PDE1C: variants seen among roughly 807,000 people sequenced by gnomAD.
PDE1C encodes the protein dual specificity calcium/calmodulin-dependent 3',5'-cyclic nucleotide phosphodiesterase 1C.
Under a neutral mutation model 93.1 loss-of-function variants are expected in PDE1C, and 62 were observed. That is an observed-to-expected ratio of 0.67 (90% CI 0.54 to 0.82). The LOEUF (loss-of-function observed/expected upper bound fraction) is 0.82. Ranked by LOEUF, PDE1C falls within the 40% of genes least tolerant of loss-of-function variation. The pLI, the probability that PDE1C is intolerant of heterozygous loss-of-function variation, is 0.00. For missense variants in PDE1C, 742 were observed against 884.6 expected (o/e 0.84, Z 2.04); for synonymous variants, 325 against 310.1 (o/e 1.05, Z -0.50).
chr7:32,225,672 T>TTCTC (rs1807206775), intron 1 of PDE1C, among the ~76,000 whole-genome samples: 1 of 152,170 alleles, frequency 6.6e-6, no homozygotes, highest in South Asian at 2.1e-4. Context: ...ATGCACAGCC[T>TTCTC]TGAGAAAGGA....
the PDE1C span, among the ~76,000 whole-genome samples, chr7:31,738,302 A>T: frequency 6.6e-6 from 1 of 152,176 alleles, no homozygotes; most frequent in Non-Finnish European, 1.5e-5. Context: ...TAATGGACTC[A>T]CAGTTCCGCA....
At chr7:32,370,245 C>G (rs1784306508) in intron 1 of PDE1C, among the ~76,000 whole-genome samples, 1 of 152,018 alleles carries the variant, frequency 6.6e-6, no homozygotes, top group Non-Finnish European at 1.5e-5. Flanking sequence ...GTCAGGAGAT[C>G]GAGACCATCC....
chr7:32,280,498 C>T (rs750189041), intron 1 of PDE1C, among the ~76,000 whole-genome samples: 1 of 151,998 alleles, frequency 6.6e-6, no homozygotes, highest in Non-Finnish European at 1.5e-5. Flanking sequence ...TATATCATTA[C>T]AACATAATTA....
At chr7:31,742,750 A>G in the PDE1C span, among the ~76,000 whole-genome samples, 17 of 152,138 alleles carry the variant, frequency 1.1e-4, no homozygotes, top group African/African-American at 3.9e-4. Flanking sequence ...GTCCTTTTGA[A>G]GTTTCTAGTT....
intron 2 of PDE1C, among the ~76,000 whole-genome samples, chr7:32,049,352 C>T (rs1793031498): frequency 6.6e-6 from 1 of 152,194 alleles, no homozygotes; most frequent in Admixed American, 6.5e-5. Flanking sequence ...TATAATACCA[C>T]TCCCTTGGAC....
exon 3 of PDE1C, chr7:32,169,841 T>C (rs1392939450): frequency 1.2e-6 from 2 of 1,612,714 alleles, no homozygotes; most frequent in Non-Finnish European, 1.7e-6. Context: ...ATTCATCAGC[T>C]AGGATCTCCT....
chr7:31,865,174 G>T, intron 6 of PDE1C, 92 bp from the exon 7 acceptor site: 1 of 1,280,090 alleles, frequency 7.8e-7, no homozygotes, highest in Non-Finnish European at 1.1e-6. Flanking sequence ...CTTTTTCTCT[G>T]AAGGCATAAC....
At chr7:32,165,260 C>G (rs1293225658) in intron 3 of PDE1C, among the ~76,000 whole-genome samples, 1 of 152,204 alleles carries the variant, frequency 6.6e-6, no homozygotes, top group Non-Finnish European at 1.5e-5. Context: ...ACTTACTGAG[C>G]TCATTCTGGG....
At chr7:31,787,645 A>C (rs1353648175) in intron 16 of PDE1C, 2 of 152,168 alleles carry the variant, frequency 1.3e-5, no homozygotes, top group Non-Finnish European at 2.9e-5. Flanking sequence ...GTTAATTCTT[A>C]ATTCAGGTGT....
At chr7:31,702,161 G>A in the PDE1C span, among the ~76,000 whole-genome samples, 1 of 151,232 alleles carries the variant, frequency 6.6e-6, no homozygotes, top group African/African-American at 2.4e-5. Context: ...GGGAAATTCT[G>A]CCTTAGAATT....
At chr7:31,827,244 C>T (rs1268434129) in intron 12 of PDE1C, among the ~76,000 whole-genome samples, 1 of 152,074 alleles carries the variant, frequency 6.6e-6, no homozygotes, top group African/African-American at 2.4e-5. Context: ...TTTGTATATG[C>T]TACATTCTCT....
At chr7:31,766,732 G>T (rs1228588434) in intron 17 of PDE1C, among the ~76,000 whole-genome samples, 7 of 152,144 alleles carry the variant, frequency 4.6e-5, no homozygotes, top group Non-Finnish European at 1.0e-4. Flanking sequence ...ATATCTTGTT[G>T]CAACTTGCTT....
intron 1 of PDE1C, among the ~76,000 whole-genome samples, chr7:32,414,151 TGCAGTGA>T (rs1207073678): frequency 2.6e-5 from 4 of 151,090 alleles, no homozygotes; most frequent in Non-Finnish European, 5.9e-5. Context: ...AGGTTGAGGC[TGCAGTGA>T]GCTCTGATTG....
At chr7:32,174,029 A>T (rs984227145) in intron 2 of PDE1C, among the ~76,000 whole-genome samples, 1 of 152,176 alleles carries the variant, frequency 6.6e-6, no homozygotes, top group Admixed American at 6.5e-5. Context: ...CCTGAAAGAC[A>T]AGACAGCTTT....
intron 1 of PDE1C, among the ~76,000 whole-genome samples, chr7:32,422,962 T>C (rs1476967269): frequency 1.3e-5 from 2 of 152,182 alleles, no homozygotes; most frequent in Non-Finnish European, 2.9e-5. Context: ...CACTAATGGC[T>C]AACACAATAC....
At chr7:32,398,299 T>C (rs1784874720) in intron 1 of PDE1C, among the ~76,000 whole-genome samples, 1 of 31,606 alleles carries the variant, frequency 3.2e-5, no homozygotes, top group Non-Finnish European at 6.4e-5. Context: ...CGAGACTCCG[T>C]CTCAAAAAAA....
At chr7:32,372,661 C>T (rs897844151) in intron 1 of PDE1C, among the ~76,000 whole-genome samples, 8 of 152,040 alleles carry the variant, frequency 5.3e-5, no homozygotes, top group Non-Finnish European at 1.2e-4. Flanking sequence ...TGCTGTACTT[C>T]GAAGGACATC....
intron 1 of PDE1C, among the ~76,000 whole-genome samples, chr7:32,380,435 A>T (rs770126768): frequency 6.5e-4 from 94 of 144,156 alleles, no homozygotes; most frequent in Non-Finnish European, 1.2e-3. Flanking sequence ...TTTAGTAGAG[A>T]CAGGGTTCCA....
chr7:31,740,348 T>C, the PDE1C span, among the ~76,000 whole-genome samples: 1 of 152,232 alleles, frequency 6.6e-6, no homozygotes, highest in African/African-American at 2.4e-5. Context: ...CATACATATG[T>C]TATGTATACA....
Sources: allele counts gnomAD v4.1 joint callset (sites outside exome capture counted in the v4.1 genomes callset), GRCh38; gene constraint gnomAD v4.1.1; transcripts MANE v1.5; gene names NCBI Gene and HGNC (gene_info 2026-07-23, HGNC 2026-07-21).